The following KCNH8 variants were observed in gnomAD, a reference collection of about 807,000 sequenced individuals.
The protein encoded by KCNH8 is potassium voltage-gated channel subfamily H member 8, also known as voltage-gated delayed rectifier potassium channel KCNH8.
In KCNH8, 70 loss-of-function variants were observed where a neutral mutation model predicts 103.6. That is an observed-to-expected ratio of 0.68 (90% confidence interval 0.56 to 0.82). The LOEUF (loss-of-function observed/expected upper bound fraction) is 0.82, where lower values mean the gene tolerates loss of function less well. Among genes scored for constraint, KCNH8 ranks in the 40% least tolerant of loss-of-function variants. KCNH8 has a pLI of 0.00. For synonymous variants in KCNH8, 498 were observed against 489.4 expected, an observed-to-expected ratio of 1.02 and a Z score of -0.23; for missense variants, 1,217 against 1,329.9, an observed-to-expected ratio of 0.92 and a Z score of 1.32.
chr3:19,517,596 A>G (rs1342289399), intron 14 of KCNH8, among the ~76,000 whole-genome samples: 1 of 152,056 alleles, frequency 6.6e-6, no homozygotes, highest in African/African-American at 2.4e-5. Context: ...TCATGGGCAC[A>G]TGAATCAATG....
chr3:19,370,835 C>T (rs1333498457), intron 5 of KCNH8, among the ~76,000 whole-genome samples: 1 of 151,266 alleles, frequency 6.6e-6, no homozygotes, highest in Non-Finnish European at 1.5e-5. Context: ...GTTCAATTCC[C>T]ACCTATGAGT....
chr3:19,324,835 T>A (rs1359576050), intron 3 of KCNH8, among the ~76,000 whole-genome samples: 1 of 150,982 alleles, frequency 6.6e-6, no homozygotes, highest in African/African-American at 2.4e-5. Flanking sequence ...AAAAAAAAAA[T>A]GTTTTAAAAT....
At chr3:19,241,887 G>T (rs2064146931) in intron 1 of KCNH8, among the ~76,000 whole-genome samples, 1 of 152,122 alleles carries the variant, frequency 6.6e-6, no homozygotes, top group Admixed American at 6.5e-5. Context: ...CGTTGTAATA[G>T]TCTTAATTAA....
At chr3:19,472,124 C>T (rs1158617037) in intron 11 of KCNH8, among the ~76,000 whole-genome samples, 2 of 148,608 alleles carry the variant, frequency 1.3e-5, no homozygotes, top group African/African-American at 5.0e-5. Flanking sequence ...TTTTGCAATT[C>T]TTTTTTTAAT....
At chr3:19,390,730 A>C (rs1559304485) in intron 6 of KCNH8, 92 bp downstream of exon 6, 2 of 1,284,366 alleles carry the variant, frequency 1.6e-6, no homozygotes, top group South Asian at 1.5e-5. Flanking sequence ...TTATGCTTCC[A>C]GGGTTTTGTG....
intron 7 of KCNH8, among the ~76,000 whole-genome samples, chr3:19,395,726 G>C (rs898399951): frequency 5.3e-5 from 8 of 152,028 alleles, no homozygotes; most frequent in Non-Finnish European, 8.8e-5. Context: ...CGTATTAATA[G>C]AGAAGATATC....
At chr3:19,235,349 A>G (rs2064050897) in intron 1 of KCNH8, among the ~76,000 whole-genome samples, 1 of 151,852 alleles carries the variant, frequency 6.6e-6, no homozygotes, top group South Asian at 2.1e-4. Context: ...AATGCTGTTT[A>G]TATACACAAA....
rs894184922 is a variant in KCNH8 at position 19,344,900 on chromosome 3, T to G, written c.570+2186T>G. 4.6e-5 allele frequency among the ~76,000 whole-genome samples: 7 copies of G among 152,230 alleles called. No individual in the cohort carries two copies. In the South Asian group the frequency reaches 6.2e-4, roughly 14 times the overall value. ...TTTTAATGATGGAAAAAAACACAAC[T>G]TATTAGAAGCAGCAGTTGTGGTACC... On this transcript the variant is annotated intron_variant, in intron 4 of 15. Coordinates refer to ENST00000328405, the MANE Select transcript of KCNH8 (RefSeq NM_144633.3).
intron 8 of KCNH8, among the ~76,000 whole-genome samples, chr3:19,439,700 T>C (rs1386752708): frequency 6.6e-6 from 1 of 152,148 alleles, no homozygotes; most frequent in African/African-American, 2.4e-5. Context: ...TTATTGCTGT[T>C]ATTAAAGAAG....
intron 8 of KCNH8, among the ~76,000 whole-genome samples, chr3:19,444,370 C>T (rs961093926): frequency 2.6e-5 from 4 of 151,730 alleles, no homozygotes; most frequent in African/African-American, 9.7e-5. Context: ...TGGATTTTGA[C>T]CTAAATTTAG....
chr3:19,390,188 A>T (rs1047622762), intron 5 of KCNH8, among the ~76,000 whole-genome samples: 1 of 152,088 alleles, frequency 6.6e-6, no homozygotes, highest in African/African-American at 2.4e-5. Flanking sequence ...ATGTAGCTTC[A>T]TGTCTGGAAC....
rs766937677 is a variant in KCNH8 at position 19,390,524 on chromosome 3, C to G, written c.855C>G (p.Gly285=). Residue 285 remains glycine (G), a synonymous_variant, in exon 6 of 16, where the codon GGC becomes GGG. Coordinates refer to ENST00000328405, the MANE Select transcript of KCNH8 (RefSeq NM_144633.3). ...GAACAACTTATGTCAGCAAGTCTGG[C>G]CAAGTTATCTTTGAAGCAAGATCAA... The part of the protein sequence containing the change: ...NFRTTYVSKS[G]QVIFEARSIC... The G allele has an allele frequency of 6.2e-7, 1 of 1,612,980 alleles. No homozygotes were observed. The highest frequency in any genetic ancestry group is 1.1e-5 in the South Asian group (1 of 91,024).
intron 3 of KCNH8, among the ~76,000 whole-genome samples, chr3:19,305,537 G>A (rs1444446174): frequency 2.0e-5 from 3 of 152,068 alleles, no homozygotes; most frequent in African/African-American, 7.2e-5. Context: ...GAGGCTCTGG[G>A]AGTTTTCAAG....
chr3:19,292,485 AAATAAAAT>A (rs1282426810), intron 3 of KCNH8, among the ~76,000 whole-genome samples: 1 of 152,228 alleles, frequency 6.6e-6, no homozygotes, highest in African/African-American at 2.4e-5. Flanking sequence ...ACTTCAGAAG[AAATAAAAT>A]AATAAACAGC....
At chr3:19,345,156 C>T (rs1162455658) in intron 4 of KCNH8, among the ~76,000 whole-genome samples, 1 of 152,032 alleles carries the variant, frequency 6.6e-6, no homozygotes, top group African/African-American at 2.4e-5. Flanking sequence ...GATTGTTATT[C>T]TGTCAATCAA....
At chr3:19,288,141 G>T (rs1238638692) in intron 3 of KCNH8, among the ~76,000 whole-genome samples, 6 of 127,530 alleles carry the variant, frequency 4.7e-5, no homozygotes, top group Non-Finnish European at 9.5e-5. Flanking sequence ...TGCTGCTGGA[G>T]TCATCTTTCT....
intron 2 of KCNH8, among the ~76,000 whole-genome samples, chr3:19,278,463 A>AAAGGG (rs2064708217): frequency 7.8e-6 from 1 of 127,844 alleles, no homozygotes. Context: ...GGAAGGAAGG[A>AAAGGG]AAGGGAAGGG....
chr3:19,352,035 G>C (rs984166026), intron 5 of KCNH8, among the ~76,000 whole-genome samples: 1 of 152,226 alleles, frequency 6.6e-6, no homozygotes, highest in East Asian at 1.9e-4. Context: ...TAAAGGGATG[G>C]AGGAAGACCT....
chr3:19,372,098 C>T (rs996253140), intron 5 of KCNH8, among the ~76,000 whole-genome samples: 192 of 152,222 alleles, frequency 1.3e-3, no homozygotes, highest in Non-Finnish European at 2.3e-3. Context: ...GATGCGGGCT[C>T]TTTTTTGGTT....
Sources: allele counts gnomAD v4.1 joint callset (sites outside exome capture counted in the v4.1 genomes callset), GRCh38; gene constraint gnomAD v4.1.1; transcripts MANE v1.5; gene names NCBI Gene and HGNC (gene_info 2026-07-23, HGNC 2026-07-21).